Variants in DKK2 observed in about 807,000 individuals in gnomAD.
DKK2 encodes dickkopf Wnt signaling pathway inhibitor 2.
In DKK2, 11 loss-of-function variants were observed where a neutral mutation model predicts 28.1. That is an observed-to-expected ratio of 0.39 (90% confidence interval 0.25 to 0.65). The LOEUF is 0.65. Among genes scored for constraint, DKK2 ranks in the 30% least tolerant of loss-of-function variants. The pLI is 0.47. For synonymous variants in DKK2, 135 were observed against 126.5 expected (o/e 1.07, Z -0.45); for missense variants, 326 against 335.5 (o/e 0.97, Z 0.22).
rs1327098239 is a variant in DKK2, at chr4:106,922,031, T to A, written c.*1923A>T. ...TGCAGAAACCAAATTGTAAATATAA[T>A]AATTGTTATATAGGAAATGTTTGAT... On this transcript the variant is annotated 3_prime_UTR_variant, in exon 4 of 4. Coordinates refer to ENST00000285311, the MANE Select transcript of DKK2 (RefSeq NM_014421.3). 6.6e-6 allele frequency: 1 copy of A among 152,548 alleles called. No homozygotes were observed. Among genetic ancestry groups the A allele is most frequent in the African/African-American group, 2.4e-5 (1 of 41,404 alleles). The allele number at this position is 152,548 out of a possible 1,614,324, so 9.4% of individuals were successfully genotyped here.
chr4:106,957,367 T>C (rs905624025), intron 1 of DKK2, among the ~76,000 whole-genome samples: 14 of 151,884 alleles, frequency 9.2e-5, no homozygotes, highest in African/African-American at 2.9e-4. Flanking sequence ...GATCTAGAAC[T>C]AGAAATACCA....
intron 1 of DKK2, among the ~76,000 whole-genome samples, chr4:106,956,775 A>G (rs377427125): frequency 2.0e-5 from 3 of 151,512 alleles, no homozygotes; most frequent in Non-Finnish European, 4.4e-5. Flanking sequence ...AGACTTAAAC[A>G]TTAGACCTAA....
At chr4:106,964,836 C>T (rs1722743583) in intron 1 of DKK2, among the ~76,000 whole-genome samples, 1 of 151,944 alleles carries the variant, frequency 6.6e-6, no homozygotes, top group Non-Finnish European at 1.5e-5. Context: ...TTCTGAATTT[C>T]CAGCCTAAGG....
At chr4:106,947,425 C>T (rs1724794567) in intron 1 of DKK2, among the ~76,000 whole-genome samples, 1 of 152,012 alleles carries the variant, frequency 6.6e-6, no homozygotes, top group African/African-American at 2.4e-5. Context: ...ATAGTATTTT[C>T]ATTAAAATGT....
intron 1 of DKK2, among the ~76,000 whole-genome samples, chr4:106,979,033 A>G (rs1355983344): frequency 6.6e-6 from 1 of 151,798 alleles, no homozygotes; most frequent in Non-Finnish European, 1.5e-5. Flanking sequence ...ACCTGTATTA[A>G]TCTTAAATAA....
In DKK2 at chr4:106,925,912, C is replaced by T. The variant is rs774353944; in HGVS notation, c.260G>A (p.Gly87Glu). The T allele has an allele frequency of 6.2e-7, 1 of 1,613,524 alleles. No individual in the cohort carries two copies. Among genetic ancestry groups the T allele is most frequent in the South Asian group, 1.1e-5 (1 of 91,050 alleles). ...PCSSDKECEV[G>E]RYCHSPHQGS... ...TTGGTGGGGACTGTGGCAATACCTC[C>T]CAACTTCACACTCCTTATCACTGCT... The change falls in exon 2 of 4, where the codon GGG (glycine) becomes GAG (glutamate). Residue 87 changes from glycine (G) to glutamate (E), a missense_variant. By Grantham distance (98) the Gly-to-Glu change is moderately conservative (BLOSUM62 -2). Coordinates refer to ENST00000285311, the MANE Select transcript of DKK2 (RefSeq NM_014421.3).
chr4:107,033,250 T>A (rs1252775338), intron 1 of DKK2, among the ~76,000 whole-genome samples: 1 of 152,152 alleles, frequency 6.6e-6, no homozygotes, highest in African/African-American at 2.4e-5. Context: ...TCCAGTTAAG[T>A]AAATATAATA....
At chr4:107,011,002 T>C (rs1222475819) in intron 1 of DKK2, among the ~76,000 whole-genome samples, 1 of 151,564 alleles carries the variant, frequency 6.6e-6, no homozygotes, top group East Asian at 1.9e-4. Flanking sequence ...GGCAGCTGGA[T>C]ACTCTTATCT....
In DKK2 at chr4:106,947,299, C is replaced by G. The variant is rs201298500; in HGVS notation, c.223-21350G>C. ...CATCTGAAGGTAACATCTGTCTGTG[C>G]TACTAACCACATCAGCAGCCTATGC... On this transcript the variant is annotated intron_variant, in intron 1 of 3. Coordinates refer to ENST00000285311, the MANE Select transcript of DKK2 (RefSeq NM_014421.3). Among the ~76,000 whole-genome samples, 41 of 152,182 alleles carry G rather than the reference C, an allele frequency of 2.7e-4. No individual in the cohort carries two copies. The East Asian group carries it at 7.4e-3, about 27-fold the overall frequency.
intron 1 of DKK2, among the ~76,000 whole-genome samples, chr4:106,927,998 A>C (rs1724447762): frequency 6.6e-6 from 1 of 152,182 alleles, no homozygotes; most frequent in South Asian, 2.1e-4. Flanking sequence ...AATAGTCCAC[A>C]GGATACACTA....
intron 1 of DKK2, among the ~76,000 whole-genome samples, chr4:107,022,620 A>T (rs990280696): frequency 6.6e-6 from 1 of 152,152 alleles, no homozygotes; most frequent in Non-Finnish European, 1.5e-5. Context: ...AGAAATGGAC[A>T]TAGATGGAGA....
intron 1 of DKK2, among the ~76,000 whole-genome samples, chr4:107,033,785 C>A (rs1723916416): frequency 6.6e-6 from 1 of 152,120 alleles, no homozygotes; most frequent in South Asian, 2.1e-4. Context: ...AGCACCCATT[C>A]TTTCTAATCC....
intron 1 of DKK2, among the ~76,000 whole-genome samples, chr4:106,934,205 A>G (rs1279145118): frequency 1.3e-5 from 2 of 152,114 alleles, no homozygotes; most frequent in African/African-American, 4.8e-5. Flanking sequence ...AAAGGAAAAA[A>G]CTTCGTTTAC....
At chr4:106,967,278 T>C (rs1368716455) in intron 1 of DKK2, among the ~76,000 whole-genome samples, 1 of 152,130 alleles carries the variant, frequency 6.6e-6, no homozygotes, top group Non-Finnish European at 1.5e-5. Flanking sequence ...GTAGTCTGAA[T>C]AAATGTGACA....
chr4:107,035,504 T>G lies in DKK2; in HGVS notation c.88A>C (p.Ser30Arg). ...ATGGAGTTGAGTTTGGCCCGCGAAC[T>G]GCCGATCTGTGAGCTCTCCACCATC... Reference protein sequence around the residue: ...VLMVESSQIGSSRAKLNSIKS... With the variant: ...VLMVESSQIGRSRAKLNSIKS... The change falls in exon 1 of 4, where the codon AGT (serine) becomes CGT (arginine). Residue 30 changes from serine to arginine, a missense_variant. By Grantham distance (110) the Ser-to-Arg change is moderately radical. Transcript: ENST00000285311. 1 of 1,614,124 alleles carries G rather than the reference T, an allele frequency of 6.2e-7. No homozygotes were observed. Among genetic ancestry groups the G allele is most frequent in the African/African-American group, 1.3e-5 (1 of 75,046 alleles).
intron 1 of DKK2, among the ~76,000 whole-genome samples, chr4:106,970,146 A>C (rs766903567): frequency 1.3e-5 from 2 of 152,116 alleles, no homozygotes; most frequent in Non-Finnish European, 2.9e-5. Flanking sequence ...CTGAGTTTTT[A>C]CATTTATAAA....
chr4:107,010,690 C>T (rs1202611064), intron 1 of DKK2, among the ~76,000 whole-genome samples: 3 of 151,392 alleles, frequency 2.0e-5, no homozygotes, highest in Non-Finnish European at 4.4e-5. Context: ...TTTCTACTAA[C>T]TATTGGAAAG....
intron 1 of DKK2, among the ~76,000 whole-genome samples, chr4:107,012,421 A>G (rs1723529704): frequency 6.6e-6 from 1 of 151,204 alleles, no homozygotes; most frequent in Non-Finnish European, 1.5e-5. Flanking sequence ...ATCTCTCTCC[A>G]ATTTCCTAGG....
rs6851672 is a variant in DKK2, at chr4:106,986,751, C to T, written c.222+48619G>A. On this transcript the variant is annotated intron_variant, in intron 1 of 3. Transcript: ENST00000285311. ...CTGGTACATTCTAAATATGGAGAGC[C>T]TGAGCTTCTAAAACCATCATTAACA... Among the ~76,000 whole-genome samples the T allele has an allele frequency of 5.9e-3, 895 of 152,260 alleles. 5 individuals are homozygous for T. Among genetic ancestry groups the T allele is most frequent in the African/African-American group, 0.021 (857 of 41,536 alleles).
Sources: gnomAD v4.1 joint callset for allele counts (sites outside exome capture counted in the v4.1 genomes callset) on GRCh38, gnomAD v4.1.1 for gene constraint, MANE v1.5 for transcripts, NCBI Gene and HGNC (gene_info 2026-07-23, HGNC 2026-07-21) for gene names.